TANGO2: variants seen among roughly 807,000 people sequenced by gnomAD.
TANGO2 encodes the protein transport and golgi organization 2 homolog.
Under a neutral mutation model 39.1 loss-of-function variants are expected in TANGO2, and 26 were observed. The ratio of observed to expected loss-of-function variants is 0.67; its 90% CI spans 0.49 to 0.92. The LOEUF is 0.92. TANGO2 is among the 40% of genes least tolerant of loss of function. The probability of loss-of-function intolerance (pLI) is 0.00; values close to 1 mark genes in which losing one functional copy is unlikely to be tolerated. For missense variants in TANGO2, 326 were observed against 360.1 expected, an observed-to-expected ratio of 0.91 and a Z score of 0.77; for synonymous variants, 131 against 144.5, an observed-to-expected ratio of 0.91 and a Z score of 0.67.
intron 6 of TANGO2, chr22:20,056,358 A>G (rs1264189878): frequency 3.7e-6 from 2 of 533,660 alleles, no homozygotes; most frequent in East Asian, 9.4e-5. Context: ...CTCTGGAGCC[A>G]TCACCACCTG....
intron 3 of TANGO2, among the ~76,000 whole-genome samples, chr22:20,046,333 C>T (rs769812685): frequency 3.3e-5 from 5 of 151,714 alleles, no homozygotes; most frequent in Non-Finnish European, 2.9e-5. Flanking sequence ...TAATTTGTAG[C>T]GACAAAGCCT....
At chr22:20,020,575 TG>T (rs2039500348), upstream of TANGO2, among the ~76,000 whole-genome samples, 1 of 151,800 alleles carries the variant, frequency 6.6e-6, no homozygotes, top group African/African-American at 2.4e-5. Context: ...GTCCAGGGTC[TG>T]GGGGTACATA....
Position 20,055,710 on chromosome 22 carries a change from G to C in TANGO2, c.381-233G>C, listed in dbSNP as rs1396633853. On this transcript the variant is annotated intron_variant, in intron 5 of 8. Coordinates refer to ENST00000327374, the MANE Select transcript of TANGO2 (RefSeq NM_152906.7). ...TTTAGATCCTGTGCCTCCTGGGCTG[G>C]TGGGCCCCGAGGTGAGCTGGGAACA... 5.1e-6 allele frequency: 3 copies of C among 588,992 alleles called. No individual in the cohort carries two copies. The Admixed American group carries it at 8.9e-5, about 17-fold the overall frequency. The allele number at this position is 588,992 out of a possible 1,614,324, so 36.5% of individuals were successfully genotyped here. A position where few individuals can be genotyped will look rare whatever the true frequency, so the allele number is the denominator to read the frequency against.
At chr22:20,028,731 A>G (rs555089372) in intron 1 of TANGO2, among the ~76,000 whole-genome samples, 1 of 152,322 alleles carries the variant, frequency 6.6e-6, no homozygotes, top group South Asian at 2.1e-4. Flanking sequence ...GGCTGGCAGT[A>G]GTGGGTTCTG....
chr22:20,058,710 A>T (rs373072851), intron 6 of TANGO2, among the ~76,000 whole-genome samples: 2 of 151,920 alleles, frequency 1.3e-5, no homozygotes, highest in African/African-American at 4.8e-5. Flanking sequence ...TTTATTTGCC[A>T]TATCAGTTTG....
intron 3 of TANGO2, among the ~76,000 whole-genome samples, chr22:20,050,774 C>T (rs114758499): frequency 2.7e-5 from 4 of 149,884 alleles, no homozygotes; most frequent in Non-Finnish European, 4.4e-5. Context: ...TCTAATACAT[C>T]GGTTTTGGTA....
intron 1 of TANGO2, among the ~76,000 whole-genome samples, chr22:20,035,246 C>T (rs566284439): frequency 1.3e-5 from 2 of 152,398 alleles, no homozygotes; most frequent in Admixed American, 1.3e-4. Context: ...CTCACTGGAG[C>T]AGATGGTCCC....
At position 20,052,484 on chromosome 22, in the gene TANGO2, C is replaced by T; in HGVS notation, c.165C>T (p.Gly55=). Residue 55 remains glycine (G), a synonymous_variant, in exon 4 of 9, where the codon GGC becomes GGT. Coordinates refer to ENST00000327374, the MANE Select transcript of TANGO2 (RefSeq NM_152906.7). ...CCACAGGGCTGGACATGGAGGAAGG[C>T]AAGGAAGGAGGCACATGGCTGGGCA... ...EILSGLDMEE[G]KEGGTWLGIS... 1.2e-6 allele frequency: 2 copies of T among 1,605,426 alleles called. No individual in the cohort carries two copies. Among genetic ancestry groups the T allele is most frequent in the Non-Finnish European group, 8.5e-7 (1 of 1,176,170 alleles).
intron 4 of TANGO2, among the ~76,000 whole-genome samples, chr22:20,052,843 G>A (rs1184824634): frequency 6.6e-6 from 1 of 152,158 alleles, no homozygotes; most frequent in East Asian, 1.9e-4. Context: ...GACAAGAAGG[G>A]GGAAGCTGGG....
At position 20,064,762 on chromosome 22, in the gene TANGO2, G is replaced by A. The variant is rs932023672; in HGVS notation, c.*100G>A. 6.9e-5 allele frequency: 101 copies of A among 1,474,138 alleles called. No individual in the cohort carries two copies. The highest frequency in any genetic ancestry group is 8.8e-5 in the Non-Finnish European group (96 of 1,092,258). 91.3% of individuals were successfully genotyped at this position (1,474,138 alleles called of 1,614,324 possible). Reference sequence around the variant, plus strand: ...TTTGCCATACTGCATTGCACTGCCCGTGGCTTGGCCAGCATCCCCCGGATC... The same window carrying A: ...TTTGCCATACTGCATTGCACTGCCCATGGCTTGGCCAGCATCCCCCGGATC... On this transcript the variant is annotated 3_prime_UTR_variant, in exon 9 of 9. Transcript: ENST00000327374.
chr22:20,039,519 TTAG>T (rs2043504048), intron 2 of TANGO2, among the ~76,000 whole-genome samples: 1 of 151,392 alleles, frequency 6.6e-6, no homozygotes, highest in African/African-American at 2.4e-5. Context: ...ATCCCAGCTA[TTAG>T]GGAGGCTAAG....
upstream of TANGO2, chr22:20,017,026 T>C (rs1157663922): frequency 6.6e-6 from 1 of 152,110 alleles, no homozygotes; most frequent in Non-Finnish European, 1.5e-5. Flanking sequence ...GCCCCGCACC[T>C]GCCCGAACCT....
intron 8 of TANGO2, 110 bp downstream of exon 8, chr22:20,063,552 C>A: frequency 1.0e-6 from 1 of 969,440 alleles, no homozygotes; most frequent in Non-Finnish European, 1.5e-6. Context: ...TTCTTCCTCG[C>A]CTGAGTGGAT....
intron 1 of TANGO2, among the ~76,000 whole-genome samples, chr22:20,024,215 T>C (rs747777522): frequency 1.3e-5 from 2 of 152,068 alleles, no homozygotes; most frequent in African/African-American, 2.4e-5. Context: ...CAAAACTCCA[T>C]CTAAAAATAA....
chr22:20,017,411 C>A (rs1945267563), upstream of TANGO2, among the ~76,000 whole-genome samples: 1 of 152,166 alleles, frequency 6.6e-6, no homozygotes, highest in Non-Finnish European at 1.5e-5. Context: ...TGGGTCCCCG[C>A]AGCGGGGAGA....
At position 20,066,429 on chromosome 22, in the gene TANGO2, T is replaced by G. The variant is rs1469259941; in HGVS notation, c.*1767T>G. 5.3e-5 allele frequency: 8 copies of G among 152,274 alleles called. No individual in the cohort carries two copies. The highest frequency in any genetic ancestry group is 1.9e-4 in the African/African-American group (8 of 41,430). The allele number at this position is 152,274 out of a possible 1,614,324, so 9.4% of individuals were successfully genotyped here. On this transcript the variant is annotated 3_prime_UTR_variant, in exon 9 of 9. Transcript: ENST00000327374. Reference sequence around the variant, plus strand: ...CCCTAACTTGGCCTTTTCAGACCCATGAGAGTGCAGGGTGGGTGTGGACCT... The same window carrying G: ...CCCTAACTTGGCCTTTTCAGACCCAGGAGAGTGCAGGGTGGGTGTGGACCT...
intron 2 of TANGO2, among the ~76,000 whole-genome samples, chr22:20,041,057 A>C (rs548171334): frequency 1.3e-5 from 2 of 152,340 alleles, no homozygotes; most frequent in Non-Finnish European, 2.9e-5. Context: ...TTCTGCTGGC[A>C]AGAAGCTTCA....
chr22:20,029,230 A>G (rs1290867226), intron 1 of TANGO2, among the ~76,000 whole-genome samples: 1 of 152,168 alleles, frequency 6.6e-6, no homozygotes, highest in African/African-American at 2.4e-5. Flanking sequence ...CTGAGAAGCC[A>G]GGGGAGGAGC....
chr22:20,039,927 G>A (rs1419848129), intron 2 of TANGO2, among the ~76,000 whole-genome samples: 2 of 151,508 alleles, frequency 1.3e-5, no homozygotes, highest in Non-Finnish European at 2.9e-5. Context: ...GTGGGTGTCA[G>A]GTGGTGATGG....
Sources: allele counts gnomAD v4.1 joint callset (sites outside exome capture counted in the v4.1 genomes callset), GRCh38; gene constraint gnomAD v4.1.1; transcripts MANE v1.5; gene names NCBI Gene and HGNC (gene_info 2026-07-23, HGNC 2026-07-21).